CCSER1: variants seen among roughly 807,000 people sequenced by gnomAD.
The protein encoded by CCSER1 is serine-rich coiled-coil domain-containing protein 1.
A neutral mutation model predicts 82.0 loss-of-function variants in CCSER1; 41 were observed. That is an observed-to-expected ratio of 0.50 (90% confidence interval 0.39 to 0.65). The LOEUF (loss-of-function observed/expected upper bound fraction) is 0.65, where lower values mean the gene tolerates loss of function less well. Among genes scored for constraint, CCSER1 ranks in the 30% least tolerant of loss-of-function variants. The pLI is 0.00. For synonymous variants in CCSER1, 414 were observed against 383.9 expected, an observed-to-expected ratio of 1.08 and a Z score of -0.92; for missense variants, 1,119 against 1,064.2, an observed-to-expected ratio of 1.05 and a Z score of -0.72.
At chr4:90,950,113 A>T (rs1581182313) in intron 9 of CCSER1, among the ~76,000 whole-genome samples, 4 of 152,162 alleles carry the variant, frequency 2.6e-5, no homozygotes, top group Admixed American at 2.6e-4. Context: ...GAGATGTGCA[A>T]GAAGAACCAC....
chr4:90,839,262 A>C (rs1374400765), intron 8 of CCSER1, among the ~76,000 whole-genome samples: 1 of 152,258 alleles, frequency 6.6e-6, no homozygotes, highest in Admixed American at 6.5e-5. Context: ...CATCTAATAA[A>C]TGTCTCAGTT....
intron 10 of CCSER1, among the ~76,000 whole-genome samples, chr4:91,156,976 T>C (rs1465284968): frequency 5.3e-5 from 8 of 151,996 alleles, no homozygotes; most frequent in Non-Finnish European, 1.2e-4. Context: ...ATGTACGACG[T>C]TACTGATGGT....
intron 6 of CCSER1, among the ~76,000 whole-genome samples, chr4:90,692,035 GTATA>G (rs60193331): frequency 0.033 from 4,701 of 142,622 alleles, 78 homozygotes; most frequent in African/African-American, 0.04. Context: ...TTCAATGTGT[GTATA>G]TATATATATA....
At chr4:90,522,947 T>C (rs1022688317) in intron 5 of CCSER1, among the ~76,000 whole-genome samples, 9 of 152,128 alleles carry the variant, frequency 5.9e-5, no homozygotes, top group African/African-American at 2.2e-4. Context: ...TCTATGATAC[T>C]ATTGGCTGCT....
intron 3 of CCSER1, among the ~76,000 whole-genome samples, chr4:90,327,647 A>G (rs1311776992): frequency 6.6e-6 from 1 of 152,148 alleles, no homozygotes; most frequent in South Asian, 2.1e-4. Flanking sequence ...GGTTCTCAAC[A>G]TCAGCATTAT....
intron 7 of CCSER1, chr4:90,781,447 T>A (rs868642031): frequency 1.6e-5 from 16 of 985,310 alleles, no homozygotes; most frequent in South Asian, 1.4e-4. Context: ...TTCTTTAAAA[T>A]CAAATTTAAT....
chr4:90,492,368 C>T (rs942008248), intron 5 of CCSER1, among the ~76,000 whole-genome samples: 3 of 152,116 alleles, frequency 2.0e-5, no homozygotes, highest in Admixed American at 2.0e-4. Context: ...GTTATATCCC[C>T]TTTAGCATCT....
intron 10 of CCSER1, among the ~76,000 whole-genome samples, chr4:91,113,523 C>G (rs1424270379): frequency 6.6e-6 from 1 of 152,204 alleles, no homozygotes; most frequent in Non-Finnish European, 1.5e-5. Flanking sequence ...CCATCAAGCC[C>G]GTGGTTTTCC....
chr4:91,561,623 G>A (rs1762655404), intron 10 of CCSER1, among the ~76,000 whole-genome samples: 1 of 151,458 alleles, frequency 6.6e-6, no homozygotes, highest in Non-Finnish European at 1.5e-5. Context: ...CCCCATGAGG[G>A]GAAAATCTTG....
At chr4:91,434,659 T>C (rs1754539189) in intron 10 of CCSER1, among the ~76,000 whole-genome samples, 1 of 152,226 alleles carries the variant, frequency 6.6e-6, no homozygotes, top group Non-Finnish European at 1.5e-5. Flanking sequence ...TTTTTCTGTT[T>C]TATCTATTTT....
chr4:91,148,396 G>C (rs778286450), intron 10 of CCSER1, among the ~76,000 whole-genome samples: 3 of 151,904 alleles, frequency 2.0e-5, no homozygotes, highest in Non-Finnish European at 4.4e-5. Flanking sequence ...TGTGGGAATA[G>C]ATTAAAAAAA....
chr4:90,367,158 G>A (rs1306067607), intron 3 of CCSER1, among the ~76,000 whole-genome samples: 3 of 151,606 alleles, frequency 2.0e-5, no homozygotes, highest in East Asian at 3.9e-4. Context: ...GACAAGAGAC[G>A]GTAACAAAGA....
At chr4:90,852,066 T>C (rs1351934206) in intron 8 of CCSER1, among the ~76,000 whole-genome samples, 1 of 152,168 alleles carries the variant, frequency 6.6e-6, no homozygotes, top group Non-Finnish European at 1.5e-5. Flanking sequence ...ACTATAACAG[T>C]AGTTTTAGAT....
chr4:90,140,281 A>T, intron 1 of CCSER1, among the ~76,000 whole-genome samples: 1 of 152,146 alleles, frequency 6.6e-6, no homozygotes, highest in South Asian at 2.1e-4. Flanking sequence ...AAAGGGATGA[A>T]TTTTCGCAAT....
At chr4:91,148,504 C>T (rs931234508) in intron 10 of CCSER1, among the ~76,000 whole-genome samples, 5 of 151,850 alleles carry the variant, frequency 3.3e-5, no homozygotes, top group African/African-American at 1.2e-4. Context: ...TATTATTATA[C>T]TTTAAGTTCC....
intron 10 of CCSER1, among the ~76,000 whole-genome samples, chr4:91,086,305 T>C (rs943794674): frequency 2.0e-5 from 3 of 152,214 alleles, no homozygotes; most frequent in Non-Finnish European, 1.5e-5. Context: ...AACATTACAA[T>C]GCAATTTTTA....
chr4:90,523,580 C>A (rs1466235583), intron 5 of CCSER1, among the ~76,000 whole-genome samples: 4 of 152,032 alleles, frequency 2.6e-5, no homozygotes, highest in African/African-American at 9.7e-5. Context: ...TTTGAGAATA[C>A]AGTTTTGTTA....
intron 9 of CCSER1, among the ~76,000 whole-genome samples, chr4:91,063,952 T>A (rs1465691443): frequency 6.6e-6 from 1 of 152,182 alleles, no homozygotes; most frequent in Non-Finnish European, 1.5e-5. Context: ...TCCTGTAATA[T>A]TTTCTTTCTA....
intron 10 of CCSER1, among the ~76,000 whole-genome samples, chr4:91,183,349 T>C (rs2149034087): frequency 6.6e-6 from 1 of 152,332 alleles, no homozygotes; most frequent in African/African-American, 2.4e-5. Flanking sequence ...TGAGCCAGAA[T>C]AAGAAGCTTT....
Sources: allele counts gnomAD v4.1 joint callset (sites outside exome capture counted in the v4.1 genomes callset), GRCh38; gene constraint gnomAD v4.1.1; transcripts MANE v1.5; gene names NCBI Gene and HGNC (gene_info 2026-07-23, HGNC 2026-07-21).